Variants in RALYL observed in about 807,000 individuals in gnomAD.
RALYL encodes the protein RALY RNA binding protein like.
RALYL carries 29 observed loss-of-function variants against 35.1 expected under a neutral mutation model. The observed-to-expected ratio is 0.83, with a 90% CI of 0.61 to 1.13. The LOEUF (loss-of-function observed/expected upper bound fraction) is 1.13, where lower values mean the gene tolerates loss of function less well. Ranked by LOEUF, RALYL falls within the 50% of genes most tolerant of loss-of-function variation. The pLI, the probability that RALYL is intolerant of heterozygous loss-of-function variation, is 0.00. For missense variants in RALYL, 359 were observed against 360.4 expected (o/e 1.00, Z 0.03); for synonymous variants, 120 against 127.6 (o/e 0.94, Z 0.40).
intron 2 of RALYL, among the ~76,000 whole-genome samples, chr8:84,716,172 T>TC (rs1215363772): frequency 6.6e-5 from 10 of 152,118 alleles, no homozygotes; most frequent in African/African-American, 1.9e-4. Flanking sequence ...CTTAATAGGC[T>TC]CCACAGGCAA....
intron 2 of RALYL, among the ~76,000 whole-genome samples, chr8:84,656,851 A>G (rs1357265550): frequency 6.6e-6 from 1 of 152,166 alleles, no homozygotes; most frequent in African/African-American, 2.4e-5. Context: ...TTCCCATTAA[A>G]TATCCAAAGT....
chr8:84,393,906 A>AT (rs1861244399), intron 1 of RALYL, among the ~76,000 whole-genome samples: 1 of 152,086 alleles, frequency 6.6e-6, no homozygotes, highest in South Asian at 2.1e-4. Flanking sequence ...AATGATAATT[A>AT]TTTTTTATTA....
intron 3 of RALYL, among the ~76,000 whole-genome samples, chr8:84,800,012 G>T (rs1023066259): frequency 6.6e-6 from 1 of 152,144 alleles, no homozygotes; most frequent in Non-Finnish European, 1.5e-5. Context: ...TTTAGTTTGA[G>T]ATATGTTAGC....
chr8:84,293,096 A>C (rs1036939909), intron 1 of RALYL, among the ~76,000 whole-genome samples: 25 of 152,206 alleles, frequency 1.6e-4, no homozygotes, highest in Admixed American at 1.0e-3. Flanking sequence ...ATGGTAATGG[A>C]AAACGTGGAT....
chr8:84,478,509 C>G (rs1185092311), intron 1 of RALYL, among the ~76,000 whole-genome samples: 2 of 152,152 alleles, frequency 1.3e-5, no homozygotes, highest in Non-Finnish European at 2.9e-5. Context: ...AAATACTAAG[C>G]AGTCCATGGA....
At chr8:84,420,544 A>G (rs934609918) in intron 1 of RALYL, among the ~76,000 whole-genome samples, 2 of 144,842 alleles carry the variant, frequency 1.4e-5, no homozygotes, top group Non-Finnish European at 3.0e-5. Context: ...GAAGCTCTTT[A>G]GTTTAATTAG....
At chr8:84,869,269 A>G (rs1381015232) in intron 6 of RALYL, among the ~76,000 whole-genome samples, 1 of 152,230 alleles carries the variant, frequency 6.6e-6, no homozygotes, top group East Asian at 1.9e-4. Context: ...AAAATCATGT[A>G]CATCATCAGA....
chr8:84,789,849 CA>C lies in RALYL; in HGVS notation c.333-14915del, dbSNP rs1388610817. Among the ~76,000 whole-genome samples the C allele has an allele frequency of 2.0e-5, 3 of 149,768 alleles. No individual in the cohort carries two copies. In the East Asian group the frequency reaches 5.9e-4, roughly 29 times the overall value. The stretch of plus-strand genomic sequence containing the variant: ...AGAGCCACAGAGTGAGACCCTGTTT[CA>C]AAAAAGAAAAAGAATAAAAGAAATA... On this transcript the variant is annotated intron_variant, in intron 3 of 8. Transcript: ENST00000521268.
chr8:84,822,141 G>A (rs538644132), intron 4 of RALYL, among the ~76,000 whole-genome samples: 9 of 152,124 alleles, frequency 5.9e-5, no homozygotes, highest in Admixed American at 1.3e-4. Context: ...TATCATGCAA[G>A]TGGTATTTCA....
intron 2 of RALYL, among the ~76,000 whole-genome samples, chr8:84,765,373 G>A (rs1016711908): frequency 6.6e-6 from 1 of 152,172 alleles, no homozygotes; most frequent in South Asian, 2.1e-4. Flanking sequence ...CTAACTCTCA[G>A]ACAGTCCTGT....
chr8:84,200,588 CA>C (rs1162001525), intron 1 of RALYL, among the ~76,000 whole-genome samples: 1 of 152,038 alleles, frequency 6.6e-6, no homozygotes, highest in East Asian at 1.9e-4. Context: ...AACTAAACCA[CA>C]ACAGTTTTGA....
At chr8:84,229,725 T>C (rs1176244221) in intron 1 of RALYL, among the ~76,000 whole-genome samples, 1 of 152,176 alleles carries the variant, frequency 6.6e-6, no homozygotes, top group African/African-American at 2.4e-5. Flanking sequence ...GAAAGATAAA[T>C]TATAGTTAGA....
chr8:84,277,662 G>C (rs2132035511), intron 1 of RALYL, among the ~76,000 whole-genome samples: 1 of 152,280 alleles, frequency 6.6e-6, no homozygotes, highest in Non-Finnish European at 1.5e-5. Flanking sequence ...ACAGGCATTG[G>C]ATAAATACAC....
At chr8:84,916,688 A>G (rs1848535648) in intron 8 of RALYL, among the ~76,000 whole-genome samples, 1 of 152,100 alleles carries the variant, frequency 6.6e-6, no homozygotes, top group Admixed American at 6.6e-5. Context: ...AGTCTCAGGT[A>G]TGTCTTTATT....
At chr8:84,223,210 TCC>T (rs1359058670) in intron 1 of RALYL, among the ~76,000 whole-genome samples, 129 of 12,742 alleles carry the variant, frequency 0.01, 4 homozygotes, top group Admixed American at 0.022. Flanking sequence ...CTTCCATTCC[TCC>T]CTTCCCTTCC....
intron 7 of RALYL, among the ~76,000 whole-genome samples, chr8:84,878,484 C>T (rs1841599747): frequency 6.6e-6 from 1 of 151,780 alleles, no homozygotes; most frequent in African/African-American, 2.4e-5. Flanking sequence ...TATTTTAATG[C>T]CCTACTGTTA....
intron 1 of RALYL, among the ~76,000 whole-genome samples, chr8:84,374,638 C>T (rs1167799237): frequency 6.6e-6 from 1 of 151,792 alleles, no homozygotes; most frequent in Non-Finnish European, 1.5e-5. Flanking sequence ...TGTTCTCACT[C>T]ATAAGTGGGA....
intron 4 of RALYL, among the ~76,000 whole-genome samples, chr8:84,820,850 A>G (rs569591900): frequency 6.6e-6 from 1 of 152,276 alleles, no homozygotes; most frequent in South Asian, 2.1e-4. Context: ...TATTTACTGA[A>G]TGTGTATATG....
At chr8:84,440,677 C>A (rs1563935641) in intron 1 of RALYL, among the ~76,000 whole-genome samples, 1 of 152,068 alleles carries the variant, frequency 6.6e-6, no homozygotes, top group East Asian at 1.9e-4. Context: ...GTTCCTTGTT[C>A]CACATATTAA....
Sources: gnomAD v4.1 joint callset for allele counts (sites outside exome capture counted in the v4.1 genomes callset) on GRCh38, gnomAD v4.1.1 for gene constraint, MANE v1.5 for transcripts, NCBI Gene and HGNC (gene_info 2026-07-23, HGNC 2026-07-21) for gene names.